The following NLGN4X variants were observed in gnomAD, a reference collection of about 807,000 sequenced individuals.
The protein encoded by NLGN4X is neuroligin-4, X-linked.
A neutral mutation model predicts 40.3 loss-of-function variants in NLGN4X; 3 were observed. That is an observed-to-expected ratio of 0.07 (90% confidence interval 0.03 to 0.19). NLGN4X has a LOEUF of 0.19. Among genes scored for constraint, NLGN4X ranks in the 10% least tolerant of loss-of-function variants. The pLI is 1.00. For synonymous variants in NLGN4X, 270 were observed against 306.8 expected (o/e 0.88, Z 1.25); for missense variants, 382 against 708.3 (o/e 0.54, Z 5.23).
chrX:6,035,873 T>C (rs1032043190), intron 2 of NLGN4X, among the ~76,000 whole-genome samples: 5 of 112,176 alleles, frequency 4.5e-5, no homozygotes, highest in African/African-American at 9.7e-5. Flanking sequence ...TGGTATTTTC[T>C]TTTCTCTAAC....
intron 5 of NLGN4X, among the ~76,000 whole-genome samples, chrX:5,899,287 G>A (rs1476604226): frequency 1.8e-5 from 2 of 111,790 alleles, no homozygotes; most frequent in Non-Finnish European, 3.8e-5. Flanking sequence ...ACTGACATTC[G>A]AGCTCTGGGT....
intron 2 of NLGN4X, among the ~76,000 whole-genome samples, chrX:6,141,778 C>T (rs367895605): frequency 9.0e-6 from 1 of 111,251 alleles, no homozygotes; most frequent in East Asian, 2.8e-4. Flanking sequence ...GAGATCATAC[C>T]ACTGCACTCC....
intron 1 of NLGN4X, among the ~76,000 whole-genome samples, chrX:6,154,236 G>A (rs2040217992): frequency 8.9e-6 from 1 of 112,132 alleles, no homozygotes; most frequent in Non-Finnish European, 1.9e-5. Flanking sequence ...CCTCAAGGGA[G>A]AATTACTGGT....
rs190320360 is a variant in NLGN4X at position 6,028,681 on chromosome X, G to T, written c.625+599C>A. Among the ~76,000 whole-genome samples the T allele has an allele frequency of 1.7e-3, 180 of 108,377 alleles. 1 individual carries two copies. Among genetic ancestry groups the T allele is most frequent in the African/African-American group, 5.6e-3 (168 of 29,873 alleles). 94.1% of individuals were successfully genotyped at this position (108,377 alleles called of 115,157 possible). On this transcript the variant is annotated intron_variant, in intron 3 of 5. Transcript: ENST00000381095. ...CTCAAAGAAAAAAAAAAAAAAGAAA[G>T]AAAGAAAAGAAATGAAACATCAAAA...
At chrX:6,113,853 C>T (rs757104492) in intron 2 of NLGN4X, among the ~76,000 whole-genome samples, 1 of 111,008 alleles carries the variant, frequency 9.0e-6, no homozygotes, top group African/African-American at 3.3e-5. Flanking sequence ...GGAGTCTTGC[C>T]CTGTCACCCA....
chrX:5,972,918 T>C (rs922141194), intron 3 of NLGN4X, among the ~76,000 whole-genome samples: 10 of 112,004 alleles, frequency 8.9e-5, no homozygotes, highest in African/African-American at 2.3e-4. Flanking sequence ...CTATGTCAAA[T>C]AGAAATTTAT....
intron 1 of NLGN4X, among the ~76,000 whole-genome samples, chrX:6,161,017 A>T (rs1283062374): frequency 2.0e-5 from 2 of 97,895 alleles, no homozygotes; most frequent in African/African-American, 3.7e-5. Context: ...TTCTATATAT[A>T]ATATAGGATA....
intron 3 of NLGN4X, among the ~76,000 whole-genome samples, chrX:5,941,168 C>A (rs1489700871): frequency 1.4e-5 from 1 of 71,780 alleles, no homozygotes. Flanking sequence ...TGTTCTGGAT[C>A]GTATGCTAGG....
intron 3 of NLGN4X, among the ~76,000 whole-genome samples, chrX:5,925,849 CACATATATATATATATATATAT>C (rs2033256066): frequency 3.2e-5 from 1 of 31,134 alleles, no homozygotes; most frequent in African/African-American, 2.3e-4. Context: ...TATATACATA[CACATATATATATATATATATAT>C]ACATACACAC....
chrX:6,156,203 A>G (rs2040261220), intron 1 of NLGN4X, among the ~76,000 whole-genome samples: 1 of 112,351 alleles, frequency 8.9e-6, no homozygotes, highest in African/African-American at 3.2e-5. Context: ...ATACCACGGA[A>G]TACTATGCAG....
chrX:5,916,912 C>T (rs187775249), intron 3 of NLGN4X, among the ~76,000 whole-genome samples: 10 of 112,168 alleles, frequency 8.9e-5, no homozygotes, highest in Admixed American at 7.6e-4. Flanking sequence ...ATCACACCCA[C>T]ACAATAAAGT....
Position 5,975,592 on chromosome X carries a change from G to A in NLGN4X, c.625+53688C>T, listed in dbSNP as rs1171067859. ...GGCGCCACTGCACTCCAGCCTGGGC[G>A]ACAAAGCAAGACTCCGTTTCAAAAA... On this transcript the variant is annotated intron_variant, in intron 3 of 5. Transcript: ENST00000381095. 3.6e-4 allele frequency among the ~76,000 whole-genome samples: 31 copies of A among 86,377 alleles called. No individual in the cohort carries two copies. The Admixed American group carries it at 4.4e-3, about 12-fold the overall frequency. 75.0% of individuals were successfully genotyped at this position (86,377 alleles called of 115,157 possible).
intron 2 of NLGN4X, among the ~76,000 whole-genome samples, chrX:6,112,300 AAAGT>A (rs1362867727): frequency 9.0e-6 from 1 of 111,587 alleles, no homozygotes; most frequent in East Asian, 2.8e-4. Flanking sequence ...CCTTGGATCT[AAAGT>A]AAAAACAGGG....
At chrX:6,213,256 T>A (rs1045631337) in intron 1 of NLGN4X, among the ~76,000 whole-genome samples, 5 of 111,745 alleles carry the variant, frequency 4.5e-5, no homozygotes, top group African/African-American at 1.6e-4. Flanking sequence ...TACCCCTGTC[T>A]AAAACATCAG....
intron 2 of NLGN4X, among the ~76,000 whole-genome samples, chrX:6,136,627 A>G (rs2039824396): frequency 8.9e-6 from 1 of 112,364 alleles, no homozygotes; most frequent in South Asian, 3.7e-4. Context: ...ATGCAACAAA[A>G]AGGGTATACT....
chrX:6,137,522 T>C (rs142914947), intron 2 of NLGN4X, among the ~76,000 whole-genome samples: 224 of 111,894 alleles, frequency 2.0e-3, no homozygotes, highest in African/African-American at 7.0e-3. Flanking sequence ...CTGTCAAAGT[T>C]TTTAAAACAC....
intron 2 of NLGN4X, among the ~76,000 whole-genome samples, chrX:6,072,491 T>A (rs183043235): frequency 3.6e-5 from 4 of 111,687 alleles, no homozygotes; most frequent in East Asian, 2.8e-4. Flanking sequence ...AAGAGTAAAA[T>A]GAGGACAGAG....
At chrX:6,121,177 CACAT>C (rs1381742979) in intron 2 of NLGN4X, among the ~76,000 whole-genome samples, 35 of 96,295 alleles carry the variant, frequency 3.6e-4, no homozygotes, top group South Asian at 9.0e-4. Context: ...CACACACACA[CACAT>C]ATATATCGCC....
chrX:6,007,722 G>A (rs2036139085), intron 3 of NLGN4X, among the ~76,000 whole-genome samples: 1 of 111,627 alleles, frequency 9.0e-6, no homozygotes, highest in Non-Finnish European at 1.9e-5. Context: ...ATAGAAGCTA[G>A]ATACATATAA....
Sources: allele counts gnomAD v4.1 joint callset (sites outside exome capture counted in the v4.1 genomes callset), GRCh38; gene constraint gnomAD v4.1.1; transcripts MANE v1.5; gene names NCBI Gene and HGNC (gene_info 2026-07-23, HGNC 2026-07-21).